NALCN: variants seen among roughly 807,000 people sequenced by gnomAD.
NALCN encodes sodium leak channel NALCN.
NALCN carries 111 observed loss-of-function variants against 225.3 expected under a neutral mutation model. The ratio of observed to expected loss-of-function variants is 0.49; its 90% CI spans 0.42 to 0.58. The LOEUF (loss-of-function observed/expected upper bound fraction) is 0.58. Among genes scored for constraint, NALCN ranks in the 20% least tolerant of loss-of-function variants. NALCN has a pLI of 0.00. For synonymous variants in NALCN, 764 were observed against 769.0 expected, an observed-to-expected ratio of 0.99 and a Z score of 0.11; for missense variants, 1,378 against 2,202.4, an observed-to-expected ratio of 0.63 and a Z score of 7.49.
In NALCN at chr13:101,095,675, A is replaced by G; in HGVS notation, c.3168T>C (p.Asp1056=). The G allele has an allele frequency of 6.2e-7, 1 of 1,611,020 alleles. No homozygotes were observed. The highest frequency in any genetic ancestry group is 1.1e-5 in the South Asian group (1 of 90,418). Reference sequence around the variant, plus strand: ...CATTAATTCTGAATATGCCATTGCAATCTTCCTAAAGTAGAAAAACAAGAG... The same window carrying G: ...CATTAATTCTGAATATGCCATTGCAGTCTTCCTAAAGTAGAAAAACAAGAG... The part of the protein sequence containing the change: ...CNDPNIIRRE[D]CNGIFRINVS... The change falls in exon 28 of 44, where the codon GAT becomes GAC. Residue 1056 remains aspartate (D), a synonymous_variant. Coordinates refer to ENST00000251127, the MANE Select transcript of NALCN (RefSeq NM_052867.4).
rs2045786881 is a variant in NALCN, at chr13:101,347,790, G to C, written c.645-2370C>G. On this transcript the variant is annotated intron_variant, in intron 6 of 43. Coordinates refer to ENST00000251127, the MANE Select transcript of NALCN (RefSeq NM_052867.4). ...TAATTAAAAGCAAAGCTCATGTGAG[G>C]GTTAAGTAAAGTAAACCAAGTAATG... Among the ~76,000 whole-genome samples, 2 of 152,016 alleles carry C rather than the reference G, an allele frequency of 1.3e-5. 1 individual carries two copies. Among genetic ancestry groups the C allele is most frequent in the Non-Finnish European group, 2.9e-5 (2 of 68,014 alleles).
chr13:101,155,035 A>G (rs1342078026), intron 15 of NALCN, among the ~76,000 whole-genome samples: 1 of 152,208 alleles, frequency 6.6e-6, no homozygotes, highest in Non-Finnish European at 1.5e-5. Flanking sequence ...CATATCTTTG[A>G]ACAAGGCAAC....
chr13:101,065,171 C>T (rs1282613791), intron 40 of NALCN, among the ~76,000 whole-genome samples: 1 of 151,238 alleles, frequency 6.6e-6, no homozygotes, highest in African/African-American at 2.5e-5. Flanking sequence ...CCCTACGGGA[C>T]ATCAGGGCAC....
chr13:101,206,219 A>G (rs1286704872), intron 13 of NALCN, among the ~76,000 whole-genome samples: 1 of 151,972 alleles, frequency 6.6e-6, no homozygotes, highest in Non-Finnish European at 1.5e-5. Context: ...CCCTCCCTGT[A>G]TCTTTCTCTT....
chr13:101,327,383 T>C (rs1342627925), intron 7 of NALCN, among the ~76,000 whole-genome samples: 1 of 121,326 alleles, frequency 8.2e-6, no homozygotes, highest in Non-Finnish European at 1.9e-5. Context: ...AGCTAAAACA[T>C]TGGGGGGGAT....
chr13:101,257,721 T>C (rs573931096), intron 11 of NALCN, among the ~76,000 whole-genome samples: 1 of 152,178 alleles, frequency 6.6e-6, no homozygotes, highest in Non-Finnish European at 1.5e-5. Context: ...TGTAAATATG[T>C]AACCATTGAA....
At chr13:101,205,867 C>T (rs1488844844) in intron 13 of NALCN, among the ~76,000 whole-genome samples, 2 of 151,826 alleles carry the variant, frequency 1.3e-5, no homozygotes, top group Non-Finnish European at 2.9e-5. Flanking sequence ...AGATGTATGC[C>T]CCATTGTTAA....
intron 1 of NALCN, among the ~76,000 whole-genome samples, chr13:101,400,175 C>T (rs903830611): frequency 1.3e-5 from 2 of 151,930 alleles, no homozygotes; most frequent in Admixed American, 6.6e-5. Flanking sequence ...ACAAAAAACT[C>T]ATCTTCTTAC....
At chr13:101,370,109 CTG>C (rs1286620758) in intron 6 of NALCN, among the ~76,000 whole-genome samples, 9 of 151,930 alleles carry the variant, frequency 5.9e-5, no homozygotes, top group African/African-American at 2.2e-4. Flanking sequence ...ATTATTTATT[CTG>C]TGTTAGGATA....
chr13:101,155,025 C>T (rs2037837726), intron 15 of NALCN, among the ~76,000 whole-genome samples: 1 of 152,120 alleles, frequency 6.6e-6, no homozygotes. Flanking sequence ...CACAGATGTA[C>T]ATATCTTTGA....
At chr13:101,364,662 A>G (rs7986611) in intron 6 of NALCN, among the ~76,000 whole-genome samples, 100,090 of 151,986 alleles carry the variant, frequency 0.66, 35,243 homozygotes, top group African/African-American at 0.91. Context: ...AGACCTAAGC[A>G]TTTGATAAAT....
intron 15 of NALCN, among the ~76,000 whole-genome samples, chr13:101,161,700 C>A (rs534337637): frequency 6.6e-6 from 1 of 152,056 alleles, no homozygotes; most frequent in African/African-American, 2.4e-5. Flanking sequence ...GGTGAAACCC[C>A]GTCTCTTCTA....
At chr13:101,298,965 TTAAG>T (rs1306812488) in intron 7 of NALCN, among the ~76,000 whole-genome samples, 1 of 152,244 alleles carries the variant, frequency 6.6e-6, no homozygotes, top group Non-Finnish European at 1.5e-5. Flanking sequence ...ATAATTTATA[TTAAG>T]TATTTTTGAA....
At chr13:101,347,942 A>G (rs2045791772) in intron 6 of NALCN, among the ~76,000 whole-genome samples, 1 of 152,154 alleles carries the variant, frequency 6.6e-6, no homozygotes, top group African/African-American at 2.4e-5. Context: ...AACAATAAAG[A>G]CTTGTTAAAA....
At chr13:101,281,427 A>C (rs2043165260) in intron 10 of NALCN, among the ~76,000 whole-genome samples, 1 of 152,228 alleles carries the variant, frequency 6.6e-6, no homozygotes, top group African/African-American at 2.4e-5. Flanking sequence ...GGATTAAAAA[A>C]TAATGTCAAT....
intron 17 of NALCN, among the ~76,000 whole-genome samples, chr13:101,133,096 G>C (rs2036595947): frequency 6.6e-6 from 1 of 151,992 alleles, no homozygotes; most frequent in South Asian, 2.1e-4. Flanking sequence ...ATATTAATTT[G>C]ATTAATTCAA....
intron 1 of NALCN, among the ~76,000 whole-genome samples, chr13:101,409,809 C>T (rs1389580678): frequency 6.6e-6 from 1 of 152,108 alleles, no homozygotes; most frequent in East Asian, 1.9e-4. Context: ...AATAGTAATT[C>T]CTAAAGACTG....
chr13:101,267,630 C>A (rs1006080248), intron 10 of NALCN, among the ~76,000 whole-genome samples: 19 of 152,212 alleles, frequency 1.2e-4, no homozygotes, highest in African/African-American at 4.6e-4. Context: ...TGCAGCCTAG[C>A]CTGTTGCATG....
At chr13:101,346,962 G>A (rs961934163) in intron 6 of NALCN, among the ~76,000 whole-genome samples, 7 of 152,120 alleles carry the variant, frequency 4.6e-5, no homozygotes, top group African/African-American at 1.7e-4. Context: ...CCTCAGTCAC[G>A]TGAGTTTCTG....
Sources: gnomAD v4.1 joint callset for allele counts (sites outside exome capture counted in the v4.1 genomes callset) on GRCh38, gnomAD v4.1.1 for gene constraint, MANE v1.5 for transcripts, NCBI Gene and HGNC (gene_info 2026-07-23, HGNC 2026-07-21) for gene names.